Variants in LRMDA observed in about 807,000 individuals in gnomAD.
LRMDA encodes leucine-rich melanocyte differentiation-associated protein.
In LRMDA, 18 loss-of-function variants were observed where a neutral mutation model predicts 29.8. That is an observed-to-expected ratio of 0.60 (90% CI 0.42 to 0.90). The LOEUF (loss-of-function observed/expected upper bound fraction) is 0.90, where lower values mean the gene tolerates loss of function less well. LRMDA is among the 40% of genes least tolerant of loss of function. The pLI, the probability that LRMDA is intolerant of heterozygous loss-of-function variation, is 0.00. For synonymous variants in LRMDA, 125 were observed against 109.4 expected (o/e 1.14, Z -0.89); for missense variants, 273 against 273.9 (o/e 1.00, Z 0.02).
chr10:76,192,551 C>T (rs1299510970), intron 5 of LRMDA, among the ~76,000 whole-genome samples: 1 of 152,068 alleles, frequency 6.6e-6, no homozygotes, highest in Non-Finnish European at 1.5e-5. Flanking sequence ...TGCATGGCTC[C>T]CTGAATATCT....
intron 2 of LRMDA, among the ~76,000 whole-genome samples, chr10:75,735,710 T>A (rs1382793960): frequency 6.6e-6 from 1 of 152,154 alleles, no homozygotes; most frequent in Non-Finnish European, 1.5e-5. Context: ...CACTCAAGCC[T>A]TGGGTTTGTG....
intron 2 of LRMDA, among the ~76,000 whole-genome samples, chr10:75,455,815 G>A (rs1844508737): frequency 6.6e-6 from 1 of 152,208 alleles, no homozygotes; most frequent in African/African-American, 2.4e-5. Context: ...ACTGAGACCT[G>A]AGCCACCTCC....
chr10:75,532,106 G>A lies in LRMDA; in HGVS notation c.131+93612G>A, dbSNP rs1031320509. Among the ~76,000 whole-genome samples the A allele has an allele frequency of 1.6e-4, 24 of 151,750 alleles. No homozygotes were observed. The East Asian group carries it at 4.1e-3, about 26-fold the overall frequency. On this transcript the variant is annotated intron_variant, in intron 2 of 6. Transcript: ENST00000611255. The stretch of plus-strand genomic sequence containing the variant: ...AAGAGCCAGTGAGCAGTACAAGGGG[G>A]TGTTTAAAAATTTTCTTAAAGGAAA...
At position 75,846,912 on chromosome 10, in the gene LRMDA, T is replaced by C. The variant is rs536135739; in HGVS notation, c.132-189096T>C. ...GTACATAGATTGGAAAATTTAATAC[T>C]GTTAAAATGTCAATACTACCCAAAA... On this transcript the variant is annotated intron_variant, in intron 2 of 6. Transcript: ENST00000611255. Among the ~76,000 whole-genome samples, 242 of 152,288 alleles carry C rather than the reference T, an allele frequency of 1.6e-3. 1 individual carries two copies. The highest frequency in any genetic ancestry group is 3.2e-3 in the Non-Finnish European group (215 of 68,004).
At chr10:76,030,874 T>G (rs1473826076) in intron 2 of LRMDA, among the ~76,000 whole-genome samples, 1 of 152,228 alleles carries the variant, frequency 6.6e-6, no homozygotes, top group Admixed American at 6.5e-5. Context: ...CTCTCTTTTC[T>G]CCCTTCATTT....
intron 5 of LRMDA, among the ~76,000 whole-genome samples, chr10:76,103,832 C>T (rs976326580): frequency 5.3e-5 from 8 of 151,868 alleles, no homozygotes; most frequent in South Asian, 2.1e-4. Flanking sequence ...GGGTGGATCA[C>T]GAGGTCAGGA....
chr10:76,394,017 A>G (rs1354693209), intron 6 of LRMDA, among the ~76,000 whole-genome samples: 1 of 152,152 alleles, frequency 6.6e-6, no homozygotes, highest in Non-Finnish European at 1.5e-5. Flanking sequence ...CCATTAGTCT[A>G]TGTGTCTTTA....
At chr10:76,031,213 G>A (rs1430332842) in intron 2 of LRMDA, among the ~76,000 whole-genome samples, 1 of 152,116 alleles carries the variant, frequency 6.6e-6, no homozygotes, top group African/African-American at 2.4e-5. Context: ...TAGCAGGAAG[G>A]GCACTCAGAG....
At chr10:75,574,176 A>G (rs1193546694) in intron 2 of LRMDA, among the ~76,000 whole-genome samples, 1 of 152,188 alleles carries the variant, frequency 6.6e-6, no homozygotes, top group African/African-American at 2.4e-5. Flanking sequence ...TTAAACACCC[A>G]GATCCTAGGG....
intron 5 of LRMDA, among the ~76,000 whole-genome samples, chr10:76,196,101 T>G (rs1564681806): frequency 6.6e-6 from 1 of 152,214 alleles, no homozygotes; most frequent in Non-Finnish European, 1.5e-5. Flanking sequence ...AGGCCTGAGT[T>G]ACTAAGAATT....
chr10:76,446,485 T>C (rs1842355194), intron 6 of LRMDA, among the ~76,000 whole-genome samples: 1 of 152,224 alleles, frequency 6.6e-6, no homozygotes. Flanking sequence ...GTTCTACAGA[T>C]ATCTTCTATG....
intron 1 of LRMDA, among the ~76,000 whole-genome samples, chr10:75,431,972 C>T (rs980569973): frequency 1.3e-5 from 2 of 152,192 alleles, no homozygotes; most frequent in African/African-American, 4.8e-5. Flanking sequence ...GAAGAACACC[C>T]GCAAGGTCTC....
intron 6 of LRMDA, among the ~76,000 whole-genome samples, chr10:76,376,700 T>C (rs2132465352): frequency 6.6e-6 from 1 of 152,192 alleles, no homozygotes; most frequent in East Asian, 1.9e-4. Context: ...AGCATTCACA[T>C]TCCTGTTTCT....
chr10:76,326,797 G>T (rs980434293), intron 6 of LRMDA, among the ~76,000 whole-genome samples: 1 of 152,168 alleles, frequency 6.6e-6, no homozygotes. Flanking sequence ...TGCAAAGGAA[G>T]TCCGGGCTTA....
chr10:76,131,699 A>T (rs1344270342), intron 5 of LRMDA, among the ~76,000 whole-genome samples: 1 of 151,678 alleles, frequency 6.6e-6, no homozygotes, highest in African/African-American at 2.4e-5. Flanking sequence ...GTTTTAATTC[A>T]TATTGCATTG....
intron 2 of LRMDA, among the ~76,000 whole-genome samples, chr10:76,035,334 C>G (rs1325155082): frequency 1.3e-5 from 2 of 152,088 alleles, no homozygotes; most frequent in Non-Finnish European, 2.9e-5. Context: ...AGAAAAAGCC[C>G]TCTCAGATCG....
intron 6 of LRMDA, among the ~76,000 whole-genome samples, chr10:76,367,774 C>A (rs1841408575): frequency 6.6e-6 from 1 of 152,052 alleles, no homozygotes; most frequent in South Asian, 2.1e-4. Flanking sequence ...CCATTTCAAT[C>A]TTGCTGCTTG....
chr10:76,426,015 G>T (rs1253308494), intron 6 of LRMDA, among the ~76,000 whole-genome samples: 1 of 152,104 alleles, frequency 6.6e-6, no homozygotes, highest in Non-Finnish European at 1.5e-5. Flanking sequence ...TGGACATTTG[G>T]GTTGGTTCCA....
At chr10:75,892,491 A>G (rs907757284) in intron 2 of LRMDA, among the ~76,000 whole-genome samples, 1 of 152,246 alleles carries the variant, frequency 6.6e-6, no homozygotes, top group African/African-American at 2.4e-5. Context: ...AACTTAAGAC[A>G]TAAGTAATAC....
Sources: allele counts gnomAD v4.1 joint callset (sites outside exome capture counted in the v4.1 genomes callset), GRCh38; gene constraint gnomAD v4.1.1; transcripts MANE v1.5; gene names NCBI Gene and HGNC (gene_info 2026-07-23, HGNC 2026-07-21).